TIAM2: variants seen among roughly 807,000 people sequenced by gnomAD.
TIAM2 encodes the protein rho guanine nucleotide exchange factor TIAM2.
TIAM2 carries 80 observed loss-of-function variants against 152.9 expected under a neutral mutation model. The observed-to-expected ratio is 0.52, with a 90% CI of 0.44 to 0.63. TIAM2 has a LOEUF of 0.63. Among genes scored for constraint, TIAM2 ranks in the 30% least tolerant of loss-of-function variants. The pLI is 0.00. For synonymous variants in TIAM2, 804 were observed against 838.0 expected (o/e 0.96, Z 0.70); for missense variants, 1,965 against 2,120.1 (o/e 0.93, Z 1.44).
intron 21 of TIAM2, 168 bp from the exon 22 acceptor site, chr6:155,250,745 A>C: frequency 8.8e-7 from 1 of 1,140,972 alleles, no homozygotes; most frequent in African/African-American, 1.6e-5. Context: ...TGCTTAACTC[A>C]TATTTTCAAA....
chr6:155,097,599 C>A (rs927748625), intron 2 of TIAM2, among the ~76,000 whole-genome samples: 1 of 152,184 alleles, frequency 6.6e-6, no homozygotes, highest in Non-Finnish European at 1.5e-5. Flanking sequence ...CCTTGGCCCC[C>A]CAAAGTGCTG....
At chr6:155,101,430 A>G (rs2114993044) in intron 2 of TIAM2, among the ~76,000 whole-genome samples, 1 of 152,348 alleles carries the variant, frequency 6.6e-6, no homozygotes, top group South Asian at 2.1e-4. Context: ...TCCAAGGTGC[A>G]CATTTACGTT....
chr6:155,230,944 C>T (rs1782448067), intron 15 of TIAM2, among the ~76,000 whole-genome samples: 2 of 151,886 alleles, frequency 1.3e-5, no homozygotes. Flanking sequence ...AGCAGTCCTC[C>T]CAACTCAGGT....
At chr6:155,063,524 C>T (rs1410378805) in intron 1 of TIAM2, among the ~76,000 whole-genome samples, 1 of 152,104 alleles carries the variant, frequency 6.6e-6, no homozygotes, top group East Asian at 1.9e-4. Context: ...TGGCTCATGT[C>T]TGTAATCCCA....
intron 14 of TIAM2, among the ~76,000 whole-genome samples, chr6:155,192,319 A>C (rs1166751241): frequency 6.6e-6 from 1 of 152,220 alleles, no homozygotes; most frequent in Non-Finnish European, 1.5e-5. Context: ...CATGAAAAAA[A>C]AACAACACAG....
chr6:155,007,389 C>CT (rs35138795), intron 1 of TIAM2, among the ~76,000 whole-genome samples: 22,189 of 143,720 alleles, frequency 0.15, 1,673 homozygotes, highest in Middle Eastern at 0.19. Flanking sequence ...TTCTTTCTTT[C>CT]TTTTTTTTTT....
chr6:155,069,994 T>C (rs969264321), intron 1 of TIAM2, among the ~76,000 whole-genome samples: 22 of 147,184 alleles, frequency 1.5e-4, no homozygotes, highest in Admixed American at 1.4e-3. Context: ...CTCACTGCAA[T>C]GTCTGGCAGT....
chr6:155,014,405 T>A (rs1003208235), intron 1 of TIAM2, among the ~76,000 whole-genome samples: 1 of 152,184 alleles, frequency 6.6e-6, no homozygotes, highest in Non-Finnish European at 1.5e-5. Flanking sequence ...TGTTAAGTAG[T>A]TTTTGTGTTT....
intron 3 of TIAM2, among the ~76,000 whole-genome samples, chr6:155,128,449 A>G (rs746528087): frequency 6.6e-6 from 1 of 152,146 alleles, no homozygotes; most frequent in Non-Finnish European, 1.5e-5. Context: ...AATACTGTGG[A>G]GAGATTTTAG....
At chr6:155,149,738 C>T (rs544152473) in intron 7 of TIAM2, among the ~76,000 whole-genome samples, 2 of 151,916 alleles carry the variant, frequency 1.3e-5, no homozygotes, top group Admixed American at 6.6e-5. Flanking sequence ...GCCTGGCCAA[C>T]GTGGTGAAAC....
In TIAM2 at chr6:155,160,774, A is replaced by AAAAC. The variant is rs72166694; in HGVS notation, c.2029-3625_2029-3622dup. On this transcript the variant is annotated intron_variant, in intron 7 of 26. Transcript: ENST00000682666. ...GAGACCATGTCTCAAAACAAAAACA[A>AAAAC]AAACAAACAAACAAACAAAAAATCA... 5.8e-4 allele frequency among the ~76,000 whole-genome samples: 88 copies of AAAAC among 151,474 alleles called. 1 individual carries two copies. The highest frequency in any genetic ancestry group is 1.9e-3 in the African/African-American group (78 of 41,288).
intron 5 of TIAM2, 144 bp downstream of exon 5, chr6:155,137,756 A>C (rs983413951): frequency 1.3e-6 from 1 of 795,572 alleles, no homozygotes; most frequent in African/African-American, 1.7e-5. Flanking sequence ...TCATGCAGAT[A>C]CTTTCTCACA....
At chr6:155,044,216 C>T (rs1437652146) in intron 1 of TIAM2, among the ~76,000 whole-genome samples, 1 of 152,120 alleles carries the variant, frequency 6.6e-6, no homozygotes, top group Non-Finnish European at 1.5e-5. Context: ...AGAGGTCACT[C>T]GTCCTGCCCA....
chr6:155,239,043 C>T (rs537043150), intron 15 of TIAM2, among the ~76,000 whole-genome samples: 13 of 152,110 alleles, frequency 8.5e-5, no homozygotes, highest in Non-Finnish European at 1.8e-4. Flanking sequence ...AAGAGACAGA[C>T]TGTATAAAAA....
At chr6:155,150,565 A>G (rs1779930368) in intron 7 of TIAM2, among the ~76,000 whole-genome samples, 1 of 152,156 alleles carries the variant, frequency 6.6e-6, no homozygotes, top group Non-Finnish European at 1.5e-5. Flanking sequence ...AAGTGACAAG[A>G]GTTGGCAGTT....
chr6:155,248,251 C>A, intron 20 of TIAM2, 72 bp downstream of exon 20: 1 of 1,504,932 alleles, frequency 6.6e-7, no homozygotes, highest in Non-Finnish European at 8.9e-7. Context: ...GTGCCCTGGG[C>A]CTGACAGCTC....
rs1780366878 is a variant in TIAM2 at position 155,164,491 on chromosome 6, A to G, written c.2105A>G (p.Gln702Arg). The change falls in exon 8 of 27, where the codon CAA becomes CGA. Residue 702 changes from glutamine (Q) to arginine (R), a missense_variant. This residue lies in a region of TIAM2 where 1,025 missense variants were observed against 1,119.4 expected (regional missense o/e 0.92). Transcript: ENST00000682666. The part of the protein sequence containing the change: ...FRMRCYLASL[Q>R]GGELPNPKSL... ...ATGCGCTGCTATCTGGCCAGCCTAC[A>G]AGGTGGGGAGTTACCGAACCCAAAG... is the stretch of plus-strand genomic sequence containing the variant. The G allele has an allele frequency of 1.9e-6, 3 of 1,614,118 alleles. No homozygotes were observed. Among genetic ancestry groups the G allele is most frequent in the Non-Finnish European group, 2.5e-6 (3 of 1,180,020 alleles).
intron 2 of TIAM2, among the ~76,000 whole-genome samples, chr6:155,092,607 G>A (rs959793729): frequency 1.3e-5 from 2 of 152,014 alleles, no homozygotes; most frequent in African/African-American, 4.8e-5. Context: ...TGTAATCCCA[G>A]CACTTTGGGA....
Position 155,130,279 on chromosome 6 carries a change from G to A in TIAM2, c.1056G>A (p.Gln352=). 6.2e-7 allele frequency: 1 copy of A among 1,614,178 alleles called. No individual in the cohort carries two copies. Among genetic ancestry groups the A allele is most frequent in the Non-Finnish European group, 8.5e-7 (1 of 1,180,038 alleles). The part of the protein sequence containing the change: ...PSRVAHGDPI[Q]YSSFTLPCRK... ...GAGTGGCACACGGGGACCCCATCCA[G>A]TACAGTTCCTTCACTCTCCCCTGTC... The change falls in exon 4 of 27, where the codon CAG becomes CAA. Residue 352 remains glutamine, a synonymous_variant. Transcript: ENST00000682666.
Sources: gnomAD v4.1 joint callset for allele counts (sites outside exome capture counted in the v4.1 genomes callset) on GRCh38, gnomAD v4.1.1 for gene constraint, gnomAD v4.1.1 regional missense constraint, MANE v1.5 for transcripts, NCBI Gene and HGNC (gene_info 2026-07-23, HGNC 2026-07-21) for gene names.